Variants in LAMA1 observed in about 807,000 individuals in gnomAD.
LAMA1 encodes laminin subunit alpha-1.
LAMA1 carries 219 observed loss-of-function variants against 348.7 expected under a neutral mutation model. The observed-to-expected ratio is 0.63, with a 90% CI of 0.56 to 0.70. The LOEUF is 0.70. Ranked by LOEUF, LAMA1 falls within the 30% of genes least tolerant of loss-of-function variation. LAMA1 has a pLI of 0.00. For synonymous variants in LAMA1, 1,487 were observed against 1,491.0 expected, an observed-to-expected ratio of 1.00 and a Z score of 0.06; for missense variants, 3,744 against 3,888.0, an observed-to-expected ratio of 0.96 and a Z score of 0.99.
chr18:7,009,037 T>C (rs542276132), intron 27 of LAMA1, among the ~76,000 whole-genome samples: 14 of 152,360 alleles, frequency 9.2e-5, no homozygotes, highest in East Asian at 1.9e-4. Context: ...ATATTTTATA[T>C]CGACATTAGC....
chr18:7,083,518 T>C (rs2058202026), intron 1 of LAMA1, among the ~76,000 whole-genome samples: 1 of 152,092 alleles, frequency 6.6e-6, no homozygotes, highest in African/African-American at 2.4e-5. Context: ...GAAAGATTGC[T>C]TTTTTATTGA....
At chr18:7,050,589 A>G in intron 4 of LAMA1, 105 bp downstream of exon 4, 2 of 1,502,282 alleles carry the variant, frequency 1.3e-6, no homozygotes, top group Admixed American at 1.7e-5. Flanking sequence ...ATAGAGCTAG[A>G]TAGTTATATT....
chr18:6,996,010 A>G (rs2057779540), intron 33 of LAMA1, among the ~76,000 whole-genome samples: 1 of 152,212 alleles, frequency 6.6e-6, no homozygotes, highest in African/African-American at 2.4e-5. Flanking sequence ...AAAATGAGTT[A>G]AAATTTAAAT....
intron 36 of LAMA1, among the ~76,000 whole-genome samples, chr18:6,991,093 T>C (rs901612265): frequency 5.3e-5 from 8 of 152,110 alleles, no homozygotes; most frequent in African/African-American, 1.7e-4. Context: ...GCAAGGCCTT[T>C]AGATCCTAGT....
At chr18:7,080,653 A>G (rs2058189778) in intron 1 of LAMA1, among the ~76,000 whole-genome samples, 196 bp from the exon 2 acceptor site, 1 of 152,222 alleles carries the variant, frequency 6.6e-6, no homozygotes, top group Admixed American at 6.5e-5. Context: ...TCATCTACGG[A>G]GAAAAGTCAA....
chr18:7,111,058 A>G (rs2058333906), intron 1 of LAMA1, among the ~76,000 whole-genome samples: 1 of 152,188 alleles, frequency 6.6e-6, no homozygotes, highest in South Asian at 2.1e-4. Context: ...AAAAGATGGC[A>G]CTTTCCATAA....
In LAMA1 at chr18:7,089,575, C is replaced by T. The variant is rs927663978; in HGVS notation, c.62-9118G>A. ...GAGGGGCTCAAGCCAAGAGCTCAGG[C>T]GAAGGCCCAATGACCTGGCGTGGGC... On this transcript the variant is annotated intron_variant, in intron 1 of 62. Transcript: ENST00000389658. Among the ~76,000 whole-genome samples, 11 of 152,348 alleles carry T rather than the reference C, an allele frequency of 7.2e-5. 1 individual carries two copies. The South Asian group carries it at 1.0e-3, about 14-fold the overall frequency.
chr18:6,960,832 G>A (rs1254151267), intron 53 of LAMA1: 1 of 152,274 alleles, frequency 6.6e-6, no homozygotes, highest in East Asian at 1.9e-4. Context: ...AGGTTTACTA[G>A]GCTCTCTCAG....
intron 49 of LAMA1, 136 bp from the exon 50 acceptor site, chr18:6,965,568 C>A (rs764767049): frequency 5.0e-6 from 5 of 1,006,310 alleles, no homozygotes; most frequent in African/African-American, 1.6e-5. Flanking sequence ...AGAGGTCTAT[C>A]GGCTACGAAA....
In LAMA1 at chr18:7,024,408, G is replaced by A. The variant is rs1182351959; in HGVS notation, c.2461C>T (p.Pro821Ser). 6 of 1,614,072 alleles carry A rather than the reference G, an allele frequency of 3.7e-6. No individual in the cohort carries two copies. The highest frequency in any genetic ancestry group is 5.1e-6 in the Non-Finnish European group (6 of 1,180,020). ...TCACACCAAGCTCCTGAGTAGCCCGGGGCACACCAGTCACAGACCACTTCA... is the reference window on the plus strand; with the variant it reads ...TCACACCAAGCTCCTGAGTAGCCCGAGGCACACCAGTCACAGACCACTTCA... Reference protein sequence around the residue: ...GDEVVCDWCAPGYSGAWCERC... With the variant: ...GDEVVCDWCASGYSGAWCERC... The change falls in exon 18 of 63, where the codon CCG becomes TCG. Residue 821 changes from proline to serine, a missense_variant. Pro to Ser is a moderately conservative substitution (Grantham distance 74). Transcript: ENST00000389658.
intron 6 of LAMA1, among the ~76,000 whole-genome samples, chr18:7,045,458 A>T (rs651503): frequency 3.9e-5 from 6 of 152,110 alleles, no homozygotes; most frequent in African/African-American, 1.2e-4. Context: ...CAACAAGAGC[A>T]AAACTGTCTC....
In LAMA1 at chr18:6,967,210, A is replaced by G. The variant is rs1363230047; in HGVS notation, c.6900-913T>C. ...TTGTGAAACCTGAGGTTTCAAATGTATAACTATAACTACCTGCACTCTTGC... is the reference window on the plus strand; with the variant it reads ...TTGTGAAACCTGAGGTTTCAAATGTGTAACTATAACTACCTGCACTCTTGC... On this transcript the variant is annotated intron_variant, in intron 48 of 62. Coordinates refer to ENST00000389658, the MANE Select transcript of LAMA1 (RefSeq NM_005559.4). Among the ~76,000 whole-genome samples, 3 of 152,248 alleles carry G rather than the reference A, an allele frequency of 2.0e-5. No homozygotes were observed. The East Asian group carries it at 5.8e-4, about 29-fold the overall frequency.
chr18:7,064,958 G>A (rs1364825910), intron 3 of LAMA1, among the ~76,000 whole-genome samples: 3 of 152,086 alleles, frequency 2.0e-5, no homozygotes, highest in Admixed American at 1.3e-4. Context: ...AGCCAAGGCC[G>A]GGCGCAGTGG....
intron 36 of LAMA1, 46 bp from the exon 37 acceptor site, chr18:6,986,393 GCTC>G (rs1568019413): frequency 6.4e-7 from 1 of 1,571,740 alleles, no homozygotes; most frequent in Non-Finnish European, 8.7e-7. Context: ...GAACAACAAA[GCTC>G]CTATCTCTGA....
intron 33 of LAMA1, among the ~76,000 whole-genome samples, chr18:6,997,486 T>C (rs1407416433): frequency 1.3e-5 from 2 of 152,100 alleles, no homozygotes; most frequent in Non-Finnish European, 2.9e-5. Flanking sequence ...GAGGGCAGCA[T>C]TGATGAGGAG....
At chr18:6,947,691 T>G (rs1279489189) in intron 60 of LAMA1, among the ~76,000 whole-genome samples, 1 of 152,226 alleles carries the variant, frequency 6.6e-6, no homozygotes, top group East Asian at 1.9e-4. Context: ...ATCTGTGTAC[T>G]TGTGGGAATC....
chr18:7,024,345 T>G (rs1400522909), intron 18 of LAMA1, 35 bp downstream of exon 18: 3 of 1,535,544 alleles, frequency 2.0e-6, no homozygotes, highest in South Asian at 1.1e-5. Flanking sequence ...ATATTTAATT[T>G]CGAAAATGTG....
intron 10 of LAMA1, 134 bp downstream of exon 10, chr18:7,039,942 G>C (rs373495195): frequency 3.0e-6 from 3 of 992,340 alleles, no homozygotes; most frequent in Non-Finnish European, 1.5e-6. Context: ...GTGGCTTGGA[G>C]AGAAGGGGCA....
rs949016668 is a variant in LAMA1 at position 6,993,898 on chromosome 18, T to A, written c.4897-146A>T. 4.3e-5 allele frequency: 30 copies of A among 699,032 alleles called. No homozygotes were observed. The South Asian group carries it at 4.3e-4, about 10-fold the overall frequency. The allele number at this position is 699,032 out of a possible 1,614,324, so 43.3% of individuals were successfully genotyped here. A position where few individuals can be genotyped will look rare whatever the true frequency, so the allele number is the denominator to read the frequency against. On this transcript the variant is annotated intron_variant, in intron 34 of 62. Coordinates refer to ENST00000389658, the MANE Select transcript of LAMA1 (RefSeq NM_005559.4). ...TATAGAGTAAAGATGAGCATTATCA[T>A]GCAAGCCGAGCTTAATATTTTGGGG...
Sources: gnomAD v4.1 joint callset for allele counts (sites outside exome capture counted in the v4.1 genomes callset) on GRCh38, gnomAD v4.1.1 for gene constraint, MANE v1.5 for transcripts, NCBI Gene and HGNC (gene_info 2026-07-23, HGNC 2026-07-21) for gene names.